Variants in CAMK2G observed in about 807,000 individuals in gnomAD.
CAMK2G encodes the protein calcium/calmodulin dependent protein kinase II gamma, also known as calcium/calmodulin-dependent protein kinase type II subunit gamma.
In CAMK2G, 23 loss-of-function variants were observed where a neutral mutation model predicts 88.7. That is an observed-to-expected ratio of 0.26 (90% CI 0.19 to 0.37). CAMK2G has a LOEUF of 0.37. Ranked by LOEUF, CAMK2G falls within the 10% of genes least tolerant of loss-of-function variation. The pLI, the probability that CAMK2G is intolerant of heterozygous loss-of-function variation, is 1.00. For missense variants in CAMK2G, 476 were observed against 780.8 expected (o/e 0.61, Z 4.65); for synonymous variants, 263 against 294.8 (o/e 0.89, Z 1.11).
At chr10:73,853,341 G>C in intron 3 of CAMK2G, 95 bp from the exon 4 acceptor site, 1 of 1,027,326 alleles carries the variant, frequency 9.7e-7, no homozygotes, top group South Asian at 1.4e-5. Flanking sequence ...CCATCCTGTC[G>C]GGCTCACAGG....
Position 73,817,551 on chromosome 10 carries a change from C to T in CAMK2G, c.1367G>A (p.Arg456Gln), listed in dbSNP as rs760411599. Residue 456 changes from arginine to glutamine, a missense_variant, in exon 20 of 23, where the codon CGA becomes CAA. Physicochemically the swap from Arg to Gln is conservative, Grantham distance 43 (BLOSUM62 1). Transcript: ENST00000423381. ...PQPSLCSSAM[R>Q]KQEIIKITEQ... Reference sequence around the variant, plus strand: ...TGTAATCTTAATGATCTCCTGTTTTCGCACTGTGGGGGAGAAAAATCCATC... The same window carrying T: ...TGTAATCTTAATGATCTCCTGTTTTTGCACTGTGGGGGAGAAAAATCCATC... 10 of 1,611,094 alleles carry T rather than the reference C, an allele frequency of 6.2e-6. 1 individual carries two copies. Among genetic ancestry groups the T allele is most frequent in the Middle Eastern group, 1.6e-4 (1 of 6,078 alleles).
At chr10:73,819,421 G>A in intron 19 of CAMK2G, 111 bp downstream of exon 19, 1 of 775,172 alleles carries the variant, frequency 1.3e-6, no homozygotes, top group Admixed American at 2.0e-5. Context: ...TGCTCCCAGA[G>A]CTTACTACCA....
chr10:73,832,710 G>C (rs1187177946), intron 14 of CAMK2G, among the ~76,000 whole-genome samples: 1 of 152,010 alleles, frequency 6.6e-6, no homozygotes, highest in Non-Finnish European at 1.5e-5. Flanking sequence ...AATAACTTTT[G>C]AATAGTTTAT....
At chr10:73,824,539 G>A (rs1483418589) in intron 16 of CAMK2G, among the ~76,000 whole-genome samples, 1 of 152,228 alleles carries the variant, frequency 6.6e-6, no homozygotes, top group East Asian at 1.9e-4. Flanking sequence ...AGGACAGGAG[G>A]CCCCCTCAGC....
chr10:73,848,594 G>T lies in CAMK2G; in HGVS notation c.533C>A (p.Pro178Gln). The T allele has an allele frequency of 6.2e-7, 1 of 1,610,222 alleles. No individual in the cohort carries two copies. Among genetic ancestry groups the T allele is most frequent in the Non-Finnish European group, 8.5e-7 (1 of 1,177,628 alleles). ...CAAGACCTCAGGGGACAAGTAACCT[G>T]GGGTGCCAGCAAAACCTGTAGCAAA... ...QQAWFGFAGT[P>Q]GYLSPEVLRK... Residue 178 changes from proline to glutamine, a missense_variant, in exon 8 of 23, where the codon CCA (proline) becomes CAA (glutamine). Physicochemically the swap from Pro to Gln is moderately conservative, Grantham distance 76. Around this residue, in one of 3 missense-constraint regions of CAMK2G, gnomAD observed 164 missense variants for 385.6 expected, o/e 0.43. Transcript: ENST00000423381. The surrounding 1 kb of genome is among the most constrained non-coding windows in gnomAD (Gnocchi z 4.5).
chr10:73,874,206 T>A (rs1591552118), intron 1 of CAMK2G, among the ~76,000 whole-genome samples, 191 bp downstream of exon 1: 1 of 123,608 alleles, frequency 8.1e-6, no homozygotes, highest in Non-Finnish European at 1.7e-5. Flanking sequence ...CGCCAGTTGC[T>A]GCAGGGCGCG....
chr10:73,836,398 T>A (rs2093225917), intron 14 of CAMK2G, among the ~76,000 whole-genome samples: 1 of 152,156 alleles, frequency 6.6e-6, no homozygotes, highest in South Asian at 2.1e-4. Flanking sequence ...CAGGTACTTA[T>A]TAAACACTCT....
At chr10:73,829,428 G>C (rs930187914) in intron 14 of CAMK2G, among the ~76,000 whole-genome samples, 1 of 151,826 alleles carries the variant, frequency 6.6e-6, no homozygotes, top group Non-Finnish European at 1.5e-5. Context: ...CTGAGTGGCT[G>C]GGATTACAGG....
Position 73,817,176 on chromosome 10 carries a change from T to C in CAMK2G, c.1440-59A>G. On this transcript the variant is annotated intron_variant, in intron 20 of 22. Transcript: ENST00000423381. ...CTTCTATGGAGTGACTTGTCTTCCT[T>C]CCTTATCAGCGGTGTCTATCCAGTA... The C allele has an allele frequency of 1.9e-6, 3 of 1,548,820 alleles. No individual in the cohort carries two copies. The South Asian group carries it at 3.8e-5, about 20-fold the overall frequency.
chr10:73,858,590 A>G (rs910897369), intron 3 of CAMK2G, among the ~76,000 whole-genome samples: 16 of 152,078 alleles, frequency 1.1e-4, no homozygotes, highest in Admixed American at 9.2e-4. Context: ...CCTCCTTAGG[A>G]CCTGGGAGCA....
intron 2 of CAMK2G, among the ~76,000 whole-genome samples, chr10:73,863,759 TAC>T (rs1388092609): frequency 1.1e-4 from 16 of 152,324 alleles, no homozygotes; most frequent in South Asian, 1.0e-3. Flanking sequence ...GGAGAGAAGA[TAC>T]ACAGACTCAG....
At chr10:73,822,498 G>T (rs2089295431) in intron 17 of CAMK2G, among the ~76,000 whole-genome samples, 1 of 152,190 alleles carries the variant, frequency 6.6e-6, no homozygotes, top group Admixed American at 6.5e-5. Context: ...TGAGGCCAGA[G>T]TGGTGTTTTA....
chr10:73,852,288 C>T lies in CAMK2G; in HGVS notation c.307G>A (p.Val103Met). Residue 103 changes from valine (V) to methionine (M), a missense_variant, in exon 5 of 23, where the codon GTG becomes ATG. Coordinates refer to ENST00000423381, the MANE Select transcript of CAMK2G (RefSeq NM_001367534.1). ...VTGGELFEDI[V>M]AREYYSEADA... ...GCTTCACTGTAGTACTCTCTGGCCA[C>T]AATGTCTTCAAACAGCTCCCCGCCG... is the stretch of plus-strand genomic sequence containing the variant. The T allele has an allele frequency of 6.2e-7, 1 of 1,614,114 alleles. No individual in the cohort carries two copies. The highest frequency in any genetic ancestry group is 8.5e-7 in the Non-Finnish European group (1 of 1,179,990).
At chr10:73,856,512 G>A (rs1317003604) in intron 3 of CAMK2G, among the ~76,000 whole-genome samples, 1 of 152,134 alleles carries the variant, frequency 6.6e-6, no homozygotes, top group Non-Finnish European at 1.5e-5. Context: ...CTGCCACCTG[G>A]AGCTGCCAGG....
At position 73,815,041 on chromosome 10, in the gene CAMK2G, C is replaced by T; in HGVS notation, c.1741G>A (p.Gly581Arg). 3.7e-6 allele frequency: 6 copies of T among 1,613,908 alleles called. No homozygotes were observed. The highest frequency in any genetic ancestry group is 1.3e-5 in the African/African-American group (1 of 75,068). The stretch of plus-strand genomic sequence containing the variant: ...CACTGCAGCGGTGCGGCAGGGGCCC[C>T]TGAGCAGTGATAGTGGACATTGAGC... ...KWLNVHYHCS[G>R]APAAPLQ The change falls in exon 22 of 23, where the codon GGG becomes AGG. Residue 581 changes from glycine (G) to arginine (R), a missense_variant. Physicochemically the swap from Gly to Arg is moderately radical, Grantham distance 125. This residue lies in a region of CAMK2G where 278 missense variants were observed against 366.5 expected (regional missense o/e 0.76). Transcript: ENST00000423381.
intron 17 of CAMK2G, among the ~76,000 whole-genome samples, chr10:73,821,937 T>C (rs1250069861): frequency 2.6e-5 from 4 of 152,190 alleles, no homozygotes; most frequent in Non-Finnish European, 4.4e-5. Context: ...ACCCAGTTAC[T>C]CAGGCTAAAA....
chr10:73,859,060 A>C (rs1244619728), intron 3 of CAMK2G, among the ~76,000 whole-genome samples: 1 of 152,246 alleles, frequency 6.6e-6, no homozygotes, highest in African/African-American at 2.4e-5. Flanking sequence ...AGGAGCATAA[A>C]GGAAAGGAAG....
At chr10:73,836,369 T>C (rs1416768458) in intron 14 of CAMK2G, among the ~76,000 whole-genome samples, 1 of 152,168 alleles carries the variant, frequency 6.6e-6, no homozygotes, top group Non-Finnish European at 1.5e-5. Flanking sequence ...AACAGAATGC[T>C]GCGTGGACAT....
At chr10:73,833,999 A>C (rs1433463256) in intron 14 of CAMK2G, among the ~76,000 whole-genome samples, 1 of 139,310 alleles carries the variant, frequency 7.2e-6, no homozygotes, top group Non-Finnish European at 1.5e-5. Context: ...GCTCACTGCA[A>C]GCTCCGCCTC....
Sources: gnomAD v4.1 joint callset for allele counts (sites outside exome capture counted in the v4.1 genomes callset) on GRCh38, gnomAD v4.1.1 for gene constraint, gnomAD v4.1.1 regional missense constraint, Gnocchi (gnomAD v3.1) non-coding constraint, MANE v1.5 for transcripts, NCBI Gene and HGNC (gene_info 2026-07-23, HGNC 2026-07-21) for gene names.